TRPC1: variants seen among roughly 807,000 people sequenced by gnomAD.
TRPC1 encodes the protein transient receptor potential cation channel subfamily C member 1, also known as short transient receptor potential channel 1.
TRPC1 carries 42 observed loss-of-function variants against 88.2 expected under a neutral mutation model. That is an observed-to-expected ratio of 0.48 (90% CI 0.37 to 0.62). TRPC1 has a LOEUF of 0.62. Among genes scored for constraint, TRPC1 ranks in the 20% least tolerant of loss-of-function variants. The probability of loss-of-function intolerance (pLI) is 0.00; values close to 1 mark genes in which losing one functional copy is unlikely to be tolerated. For synonymous variants in TRPC1, 288 were observed against 331.8 expected (o/e 0.87, Z 1.43); for missense variants, 699 against 957.3 (o/e 0.73, Z 3.56).
At chr3:142,750,704 G>T (rs566347583) in intron 4 of TRPC1, among the ~76,000 whole-genome samples, 1 of 152,258 alleles carries the variant, frequency 6.6e-6, no homozygotes, top group Non-Finnish European at 1.5e-5. Context: ...AGAAAATGTG[G>T]CAAGAATACA....
rs755701830 is a variant in TRPC1, at chr3:142,724,539, C to G, written c.-21C>G. 1 of 1,547,398 alleles carries G rather than the reference C, an allele frequency of 6.5e-7. No homozygotes were observed. The highest frequency in any genetic ancestry group is 1.4e-5 in the African/African-American group (1 of 71,998). ...GGGGGCCCCGCCCCCGTCTCCTGGC[C>G]TGCCCCCTTCATGGGCCGCGATGAT... On this transcript the variant is annotated 5_prime_UTR_variant, in exon 1 of 13. Transcript: ENST00000476941. This position sits in a 1 kb window ranked among gnomAD's most constrained non-coding sequence, Gnocchi z 5.6.
chr3:142,761,483 A>G (rs1288776931), intron 4 of TRPC1, among the ~76,000 whole-genome samples: 1 of 152,176 alleles, frequency 6.6e-6, no homozygotes, highest in African/African-American at 2.4e-5. Context: ...GGATTTTTGC[A>G]TCTATGTTCA....
At position 142,748,335 on chromosome 3, in the gene TRPC1, TAAC is replaced by T; in HGVS notation, c.511_513del (p.Asn171del). The T allele has an allele frequency of 6.2e-7, 1 of 1,614,138 alleles. No individual in the cohort carries two copies. The highest frequency in any genetic ancestry group is 8.5e-7 in the Non-Finnish European group (1 of 1,179,980). ...CACCTGTCATTTTAGCTGCTCATCG[TAAC>T]AACTATGAAATTCTTACAATGCTCT... On this transcript the variant is annotated inframe_deletion, in exon 4 of 13. Transcript: ENST00000476941.
chr3:142,777,564 T>C, intron 4 of TRPC1, 68 bp from the exon 5 acceptor site: 2 of 1,065,586 alleles, frequency 1.9e-6, no homozygotes, highest in Non-Finnish European at 2.5e-6. Context: ...TTATGAAAAT[T>C]ATAGATTAAA....
Position 142,784,907 on chromosome 3 carries a change from C to T in TRPC1, c.1164C>T (p.Ile388=). 6.2e-7 allele frequency: 1 copy of T among 1,614,088 alleles called. No homozygotes were observed. Among genetic ancestry groups the T allele is most frequent in the Non-Finnish European group, 8.5e-7 (1 of 1,180,002 alleles). Residue 388 remains isoleucine, a synonymous_variant, in exon 7 of 13, where the codon ATC becomes ATT. Transcript: ENST00000476941. ...RIIHTPFMKF[I]IHGASYFTFL... The stretch of plus-strand genomic sequence containing the variant: ...TTCACACACCTTTTATGAAATTTAT[C>T]ATTCATGGAGCATCATATTTCACAT...
intron 7 of TRPC1, among the ~76,000 whole-genome samples, chr3:142,789,169 A>C (rs1254757777): frequency 1.3e-5 from 2 of 152,190 alleles, no homozygotes; most frequent in Admixed American, 6.5e-5. Context: ...ATCAGGATCT[A>C]GAATTAGACA....
intron 4 of TRPC1, among the ~76,000 whole-genome samples, chr3:142,766,130 G>A (rs866184548): frequency 4.6e-5 from 7 of 151,908 alleles, no homozygotes; most frequent in Non-Finnish European, 7.4e-5. Context: ...GATTACTATC[G>A]CTTTATAGTA....
chr3:142,785,108 C>G, intron 7 of TRPC1, 68 bp downstream of exon 7: 2 of 1,391,996 alleles, frequency 1.4e-6, no homozygotes, highest in Non-Finnish European at 9.6e-7. Context: ...TGATTGATGG[C>G]ATTGTGAATA....
At position 142,724,649 on chromosome 3, in the gene TRPC1, G is replaced by C; in HGVS notation, c.90G>C (p.Glu30Asp). The change falls in exon 1 of 13, where the codon GAG (glutamate) becomes GAC (aspartate). Residue 30 changes from glutamate to aspartate, a missense_variant. Glu to Asp is a conservative substitution (Grantham distance 45). This residue lies in a region of TRPC1 where 157 missense variants were observed against 127.0 expected (regional missense o/e 1.24). Transcript: ENST00000476941. The surrounding 1 kb of genome is among the most constrained non-coding windows in gnomAD (Gnocchi z 5.6). ...CTCCATCCTCTTCCTCGCCGAACGA[G>C]GTGATGGCGCTGAAGGATGTGCGGG... ...PSSPSSSSPN[E>D]VMALKDVREV... is the part of the protein sequence containing the mutation. 1.2e-6 allele frequency: 2 copies of C among 1,613,170 alleles called. No individual in the cohort carries two copies. Among genetic ancestry groups the C allele is most frequent in the Non-Finnish European group, 1.7e-6 (2 of 1,179,582 alleles).
chr3:142,750,420 T>C (rs193168065), intron 4 of TRPC1, among the ~76,000 whole-genome samples: 1 of 152,318 alleles, frequency 6.6e-6, no homozygotes, highest in East Asian at 1.9e-4. Context: ...AAACAGCAGA[T>C]TCTGGAGAGG....
chr3:142,740,750 A>G (rs1018692857), intron 2 of TRPC1, among the ~76,000 whole-genome samples: 1 of 152,246 alleles, frequency 6.6e-6, no homozygotes, highest in African/African-American at 2.4e-5. Flanking sequence ...AATTGGAGAA[A>G]TGATACACTT....
At chr3:142,731,374 ATTTTTTTT>A (rs59613066) in intron 1 of TRPC1, among the ~76,000 whole-genome samples, 34 of 79,522 alleles carry the variant, frequency 4.3e-4, no homozygotes, top group African/African-American at 1.5e-3. Flanking sequence ...ATATGTTTTG[ATTTTTTTT>A]TTTTTTTTTT....
intron 2 of TRPC1, among the ~76,000 whole-genome samples, chr3:142,737,158 A>T (rs1265134443): frequency 2.6e-5 from 4 of 151,858 alleles, no homozygotes; most frequent in Admixed American, 2.6e-4. Flanking sequence ...GGAATTTGAT[A>T]ATATTTTCCT....
rs553743107 is a variant in TRPC1, at chr3:142,772,786, CA to C, written c.633-4837del. On this transcript the variant is annotated intron_variant, in intron 4 of 12. Transcript: ENST00000476941. ...TGGGTGACAGAGTGAGACTCCATCT[CA>C]AAAAAAAACCCAAATTTTGTTTTGT... Among the ~76,000 whole-genome samples, 8 of 150,330 alleles carry C rather than the reference CA, an allele frequency of 5.3e-5. No homozygotes were observed. The South Asian group carries it at 1.5e-3, about 28-fold the overall frequency.
chr3:142,745,096 AG>A (rs1934494573), intron 3 of TRPC1, among the ~76,000 whole-genome samples: 1 of 152,246 alleles, frequency 6.6e-6, no homozygotes, highest in Admixed American at 6.5e-5. Context: ...AGTACCATCT[AG>A]TTTAAGTGGT....
At chr3:142,783,360 A>T (rs988586620) in intron 6 of TRPC1, among the ~76,000 whole-genome samples, 2 of 152,210 alleles carry the variant, frequency 1.3e-5, no homozygotes, top group African/African-American at 4.8e-5. Context: ...TTTCCCAAGA[A>T]CATTGGAATC....
intron 9 of TRPC1, among the ~76,000 whole-genome samples, chr3:142,797,242 C>T (rs1299865658): frequency 6.6e-6 from 1 of 151,438 alleles, no homozygotes; most frequent in Non-Finnish European, 1.5e-5. Flanking sequence ...CCTTTTCTTC[C>T]CTAAAGTTCC....
Position 142,776,406 on chromosome 3 carries a change from A to C in TRPC1, c.633-1226A>C, listed in dbSNP as rs1935771401. Reference sequence around the variant, plus strand: ...AAATTTGTAAATTAAGAATTATATTAATAAATGAACTATAGCAAATTTTTC... The same window carrying C: ...AAATTTGTAAATTAAGAATTATATTCATAAATGAACTATAGCAAATTTTTC... On this transcript the variant is annotated intron_variant, in intron 4 of 12. Coordinates refer to ENST00000476941, the MANE Select transcript of TRPC1 (RefSeq NM_001251845.2). This position sits in a 1 kb window ranked among gnomAD's most constrained non-coding sequence, Gnocchi z 4.1. 6.6e-6 allele frequency among the ~76,000 whole-genome samples: 1 copy of C among 152,134 alleles called. No individual in the cohort carries two copies.
Position 142,776,395 on chromosome 3 carries a change from A to G in TRPC1, c.633-1237A>G, listed in dbSNP as rs1484839753. On this transcript the variant is annotated intron_variant, in intron 4 of 12. Transcript: ENST00000476941. The surrounding 1 kb of genome is among the most constrained non-coding windows in gnomAD (Gnocchi z 4.1). ...TAATATCTACTAAATTTGTAAATTA[A>G]GAATTATATTAATAAATGAACTATA... 6.6e-6 allele frequency among the ~76,000 whole-genome samples: 1 copy of G among 152,086 alleles called. No homozygotes were observed. The highest frequency in any genetic ancestry group is 1.5e-5 in the Non-Finnish European group (1 of 67,998).
Sources: gnomAD v4.1 joint callset for allele counts (sites outside exome capture counted in the v4.1 genomes callset) on GRCh38, gnomAD v4.1.1 for gene constraint, gnomAD v4.1.1 regional missense constraint, Gnocchi (gnomAD v3.1) non-coding constraint, MANE v1.5 for transcripts, NCBI Gene and HGNC (gene_info 2026-07-23, HGNC 2026-07-21) for gene names.